Variants in CALN1 observed in about 807,000 individuals in gnomAD.
The protein encoded by CALN1 is calcium-binding protein 8.
In CALN1, 17 loss-of-function variants were observed where a neutral mutation model predicts 30.6. That is an observed-to-expected ratio of 0.56 (90% CI 0.38 to 0.83). The LOEUF (loss-of-function observed/expected upper bound fraction) is 0.83. Ranked by LOEUF, CALN1 falls within the 40% of genes least tolerant of loss-of-function variation. CALN1 has a pLI of 0.00. For synonymous variants in CALN1, 156 were observed against 131.4 expected, an observed-to-expected ratio of 1.19 and a Z score of -1.28; for missense variants, 291 against 354.9, an observed-to-expected ratio of 0.82 and a Z score of 1.45.
chr7:71,944,549 G>A (rs745375433), intron 5 of CALN1, among the ~76,000 whole-genome samples: 3 of 128,688 alleles, frequency 2.3e-5, no homozygotes, highest in African/African-American at 6.0e-5. Context: ...AGCCGAAATC[G>A]TGCCATTGCA....
chr7:72,494,708 AT>A, the CALN1 span, among the ~76,000 whole-genome samples: 7 of 149,744 alleles, frequency 4.7e-5, no homozygotes, highest in African/African-American at 1.7e-4. Flanking sequence ...AAAAAAAAAA[AT>A]TATTTTAATT....
chr7:71,833,847 A>G (rs1436273981), intron 5 of CALN1, among the ~76,000 whole-genome samples: 1 of 152,120 alleles, frequency 6.6e-6, no homozygotes, highest in African/African-American at 2.4e-5. Context: ...CAGGAGTTCA[A>G]GGCTGAGCTA....
chr7:72,352,928 T>C (rs1712449291), intron 2 of CALN1, among the ~76,000 whole-genome samples: 1 of 151,962 alleles, frequency 6.6e-6, no homozygotes, highest in Admixed American at 6.6e-5. Flanking sequence ...CCTAACGATA[T>C]AAAAAAGAAT....
chr7:72,330,030 C>T (rs1801555892), intron 2 of CALN1, among the ~76,000 whole-genome samples: 2 of 151,878 alleles, frequency 1.3e-5, no homozygotes, highest in East Asian at 1.9e-4. Flanking sequence ...GTGGCTTATA[C>T]CTGTAATCCC....
At position 72,205,551 on chromosome 7, in the gene CALN1, A is replaced by ATATATATACATATATATATATATATATAT. The variant is rs1554319582; in HGVS notation, c.244+73134_244+73135insATATATATATATATATATATGTATATATA. Among the ~76,000 whole-genome samples, 5 of 83,044 alleles carry ATATATATACATATATATATATATATATAT rather than the reference A, an allele frequency of 6.0e-5. No individual in the cohort carries two copies. The East Asian group carries it at 2.6e-3, about 44-fold the overall frequency. 54.5% of individuals were successfully genotyped at this position (83,044 alleles called of 152,430 possible). A position where few individuals can be genotyped will look rare whatever the true frequency, so the allele number is the denominator to read the frequency against. On this transcript the variant is annotated intron_variant, in intron 3 of 6. Coordinates refer to ENST00000395275, the MANE Select transcript of CALN1 (RefSeq NM_031468.4). ...ATTTTTCTCCTGATTGCAAAAAAAA[A>ATATATATACATATATATATATATATATAT]ATATATATATATATATGTATATATA...
chr7:72,338,484 T>TGTGTGTGTGTGTGTGC (rs1562903765), intron 2 of CALN1, among the ~76,000 whole-genome samples: 1 of 126,796 alleles, frequency 7.9e-6, no homozygotes, highest in South Asian at 2.6e-4. Context: ...TGTGTGTGTG[T>TGTGTGTGTGTGTGTGC]GTGTGTGTGT....
rs554630216 is a variant in CALN1 at position 72,247,022 on chromosome 7, G to T, written c.244+31664C>A. Among the ~76,000 whole-genome samples, 125 of 152,012 alleles carry T rather than the reference G, an allele frequency of 8.2e-4. 1 individual carries two copies. Among genetic ancestry groups the T allele is most frequent in the African/African-American group, 3.0e-3 (123 of 41,492 alleles). On this transcript the variant is annotated intron_variant, in intron 3 of 6. Coordinates refer to ENST00000395275, the MANE Select transcript of CALN1 (RefSeq NM_031468.4). ...GCCCGCCTCGGCCTCCCGAAGTGCT[G>T]GGATTACAGGCAAGAGCCACTGTGC...
At chr7:72,390,422 CTCTG>C (rs888342469) in intron 2 of CALN1, among the ~76,000 whole-genome samples, 10 of 152,036 alleles carry the variant, frequency 6.6e-5, no homozygotes, top group African/African-American at 2.2e-4. Flanking sequence ...CAGTGCAAGA[CTCTG>C]TCTAAAAAAG....
At position 71,783,173 on chromosome 7, in the gene CALN1, A is replaced by C. The variant is rs943127151; in HGVS notation, c.*4602T>G. ...ACGGACTCTTAGCTCCATGGGGATC[A>C]CTGAAGAGGCCAATGAGAATGTTCT... On this transcript the variant is annotated 3_prime_UTR_variant, in exon 7 of 7. Coordinates refer to ENST00000395275, the MANE Select transcript of CALN1 (RefSeq NM_031468.4). 6.6e-6 allele frequency: 1 copy of C among 152,174 alleles called. No homozygotes were observed. The highest frequency in any genetic ancestry group is 2.4e-5 in the African/African-American group (1 of 41,438). The allele number at this position is 152,174 out of a possible 1,614,324, so 9.4% of individuals were successfully genotyped here. A position where few individuals can be genotyped will look rare whatever the true frequency, so the allele number is the denominator to read the frequency against.
chr7:72,115,214 TA>T (rs916908576), intron 3 of CALN1, among the ~76,000 whole-genome samples: 8 of 145,584 alleles, frequency 5.5e-5, no homozygotes, highest in African/African-American at 2.0e-4. Flanking sequence ...GTATAATATA[TA>T]ATATATACTA....
At chr7:72,502,913 G>A in the CALN1 span, among the ~76,000 whole-genome samples, 1 of 152,148 alleles carries the variant, frequency 6.6e-6, no homozygotes, top group African/African-American at 2.4e-5. Flanking sequence ...GGCACTTTGG[G>A]GAGCCAAAGG....
At chr7:72,225,576 C>G (rs1793612347) in intron 3 of CALN1, among the ~76,000 whole-genome samples, 1 of 152,022 alleles carries the variant, frequency 6.6e-6, no homozygotes. Flanking sequence ...TCTCTGAAGA[C>G]TGATAATTCC....
At chr7:71,937,841 A>C (rs917697852) in intron 5 of CALN1, among the ~76,000 whole-genome samples, 5 of 152,212 alleles carry the variant, frequency 3.3e-5, no homozygotes, top group Non-Finnish European at 5.9e-5. Flanking sequence ...TTAAGGAAAA[A>C]TAAAAAAAGC....
chr7:72,217,517 G>A (rs1792919726), intron 3 of CALN1, among the ~76,000 whole-genome samples: 1 of 152,150 alleles, frequency 6.6e-6, no homozygotes. Context: ...GTGCAAAACA[G>A]AGTCAAAACT....
At chr7:71,917,613 G>C (rs66607901) in intron 5 of CALN1, among the ~76,000 whole-genome samples, 1 of 151,946 alleles carries the variant, frequency 6.6e-6, no homozygotes, top group Non-Finnish European at 1.5e-5. Flanking sequence ...CAATCATGGC[G>C]GAAGGCACCT....
At chr7:71,978,153 C>T (rs1798192553) in intron 5 of CALN1, among the ~76,000 whole-genome samples, 1 of 151,586 alleles carries the variant, frequency 6.6e-6, no homozygotes, top group Non-Finnish European at 1.5e-5. Flanking sequence ...TGAGAATAAA[C>T]CCTCAAACAA....
intron 3 of CALN1, among the ~76,000 whole-genome samples, chr7:72,223,941 C>G (rs957105264): frequency 2.0e-5 from 3 of 152,098 alleles, no homozygotes; most frequent in African/African-American, 4.8e-5. Flanking sequence ...ACATGGAGCT[C>G]AAGTATTGGG....
At chr7:71,850,731 A>T (rs1355813989) in intron 5 of CALN1, among the ~76,000 whole-genome samples, 1 of 152,234 alleles carries the variant, frequency 6.6e-6, no homozygotes, top group African/African-American at 2.4e-5. Context: ...GTGAAAGCAC[A>T]CAGAACAATA....
intron 5 of CALN1, among the ~76,000 whole-genome samples, chr7:71,909,409 A>G (rs1412530042): frequency 6.6e-6 from 1 of 152,056 alleles, no homozygotes; most frequent in Non-Finnish European, 1.5e-5. Flanking sequence ...CAAGCACACC[A>G]TTTATTCCTC....
Sources: allele counts gnomAD v4.1 joint callset (sites outside exome capture counted in the v4.1 genomes callset), GRCh38; gene constraint gnomAD v4.1.1; transcripts MANE v1.5; gene names NCBI Gene and HGNC (gene_info 2026-07-23, HGNC 2026-07-21).